Variants in ZFHX3 observed in about 807,000 individuals in gnomAD.
ZFHX3 encodes the protein zinc finger homeobox protein 3.
Under a neutral mutation model 279.1 loss-of-function variants are expected in ZFHX3, and 42 were observed. That is an observed-to-expected ratio of 0.15 (90% CI 0.12 to 0.19). The LOEUF (loss-of-function observed/expected upper bound fraction) is 0.19. ZFHX3 is among the 10% of genes least tolerant of loss of function. ZFHX3 has a pLI of 1.00. For synonymous variants in ZFHX3, 2,293 were observed against 1,957.8 expected, an observed-to-expected ratio of 1.17 and a Z score of -4.52; for missense variants, 4,981 against 4,754.0, an observed-to-expected ratio of 1.05 and a Z score of -1.40.
chr16:73,296,670 T>C (rs1435396983), intron 4 of ZFHX3, among the ~76,000 whole-genome samples: 1 of 152,150 alleles, frequency 6.6e-6, no homozygotes, highest in Non-Finnish European at 1.5e-5. Flanking sequence ...TTACCTAAGA[T>C]AGGCAGTTAC....
rs888507236 is a variant in ZFHX3 at position 72,783,749 on chromosome 16, T to A, written c.*3415A>T. 6.6e-6 allele frequency: 1 copy of A among 152,196 alleles called. No homozygotes were observed. The highest frequency in any genetic ancestry group is 6.5e-5 in the Admixed American group (1 of 15,278). 9.4% of individuals were successfully genotyped at this position (152,196 alleles called of 1,614,324 possible). A position where few individuals can be genotyped will look rare whatever the true frequency, so the allele number is the denominator to read the frequency against. On this transcript the variant is annotated 3_prime_UTR_variant, in exon 10 of 10. Transcript: ENST00000268489. ...GAGAAAACCAAAAAACGAGTGTCAA[T>A]GGAGGTGAAGAACTAATTTAAAAAG...
intron 7 of ZFHX3, among the ~76,000 whole-genome samples, chr16:73,101,561 T>A (rs188448044): frequency 6.1e-4 from 93 of 152,056 alleles, no homozygotes; most frequent in Middle Eastern, 3.4e-3. Flanking sequence ...TAAATTTTTT[T>A]AAATTTTTTT....
intron 5 of ZFHX3, among the ~76,000 whole-genome samples, chr16:72,813,257 T>G (rs1345160301): frequency 6.6e-6 from 1 of 152,242 alleles, no homozygotes; most frequent in African/African-American, 2.4e-5. Flanking sequence ...TGACTCAGCA[T>G]TCAGGTCACT....
intron 1 of ZFHX3, among the ~76,000 whole-genome samples, chr16:73,857,137 A>G (rs1258241002): frequency 6.6e-6 from 1 of 152,232 alleles, no homozygotes; most frequent in East Asian, 1.9e-4. Context: ...GAAACTCAAT[A>G]CCTGAACTAT....
chr16:72,914,330 C>T lies in ZFHX3; in HGVS notation c.3217-24368G>A, dbSNP rs535307248. On this transcript the variant is annotated intron_variant, in intron 3 of 9. Transcript: ENST00000268489. The stretch of plus-strand genomic sequence containing the variant: ...AGAACACATTAGCTTGGCTAAGGAC[C>T]TCCCTCTCTACAAACAGGTATGGAA... Among the ~76,000 whole-genome samples the T allele has an allele frequency of 7.9e-5, 12 of 152,284 alleles. No individual in the cohort carries two copies. In the South Asian group the frequency reaches 1.9e-3, roughly 24 times the overall value.
At chr16:72,921,146 G>A in intron 3 of ZFHX3, among the ~76,000 whole-genome samples, 1 of 150,564 alleles carries the variant, frequency 6.6e-6, no homozygotes, top group East Asian at 1.9e-4. Flanking sequence ...GAACATCTAG[G>A]CATTCATTCA....
intron 4 of ZFHX3, among the ~76,000 whole-genome samples, chr16:73,308,883 C>T (rs1337551318): frequency 2.0e-5 from 3 of 150,496 alleles, no homozygotes; most frequent in Non-Finnish European, 3.0e-5. Flanking sequence ...AAGTTAAGTA[C>T]AAAATTATAT....
intron 5 of ZFHX3, among the ~76,000 whole-genome samples, chr16:72,814,112 A>G (rs1484943212): frequency 6.6e-6 from 1 of 152,140 alleles, no homozygotes; most frequent in Admixed American, 6.5e-5. Flanking sequence ...TGTCACAGCC[A>G]TTTCTTTACC....
chr16:73,784,543 T>A (rs927057460), intron 1 of ZFHX3, among the ~76,000 whole-genome samples: 7 of 151,900 alleles, frequency 4.6e-5, no homozygotes, highest in African/African-American at 1.7e-4. Context: ...GGTCAAGAGA[T>A]CGAGACAATC....
intron 3 of ZFHX3, among the ~76,000 whole-genome samples, chr16:73,386,391 A>G (rs950057470): frequency 6.6e-6 from 1 of 152,180 alleles, no homozygotes; most frequent in Admixed American, 6.5e-5. Flanking sequence ...AAGCAACTTA[A>G]ATGCTCTGAA....
chr16:73,489,341 C>A (rs182081051), intron 2 of ZFHX3, among the ~76,000 whole-genome samples: 6 of 152,296 alleles, frequency 3.9e-5, no homozygotes, highest in Admixed American at 3.3e-4. Flanking sequence ...GATTTAAGAA[C>A]TGAACGTTCA....
At chr16:73,736,832 G>A (rs929117510) in intron 1 of ZFHX3, among the ~76,000 whole-genome samples, 1 of 152,174 alleles carries the variant, frequency 6.6e-6, no homozygotes, top group African/African-American at 2.4e-5. Context: ...CCAAACAGGG[G>A]TATTGTTAGA....
intron 4 of ZFHX3, chr16:73,257,278 T>A (rs2013686509): frequency 6.6e-6 from 1 of 152,262 alleles, no homozygotes; most frequent in Admixed American, 6.5e-5. Flanking sequence ...ATGGTCATCA[T>A]TTCTAGGTCA....
At chr16:72,814,889 T>G (rs888526038) in intron 5 of ZFHX3, among the ~76,000 whole-genome samples, 1 of 152,348 alleles carries the variant, frequency 6.6e-6, no homozygotes, top group Non-Finnish European at 1.5e-5. Flanking sequence ...TGCAGCTCAC[T>G]GGCCCCTTCT....
At position 72,788,377 on chromosome 16, in the gene ZFHX3, G is replaced by A. The variant is rs1052162067; in HGVS notation, c.9899C>T (p.Thr3300Ile). ...ALQAALTSDPTALLTSQFLPY... is the reference protein window; with the variant it reads ...ALQAALTSDPIALLTSQFLPY... The stretch of plus-strand genomic sequence containing the variant: ...AAGGAACTGGCTTGTGAGCAATGCT[G>A]TGGGGTCCGAAGTCAACGCGGCCTG... Residue 3300 changes from threonine to isoleucine, a missense_variant, in exon 10 of 10, where the codon ACA becomes ATA. Thr to Ile is a moderately conservative substitution (Grantham distance 89, BLOSUM62 -1). This residue lies in a region of ZFHX3 where 1,034 missense variants were observed against 786.0 expected (regional missense o/e 1.32). Transcript: ENST00000268489. 1 of 1,614,240 alleles carries A rather than the reference G, an allele frequency of 6.2e-7. No homozygotes were observed. Among genetic ancestry groups the A allele is most frequent in the Non-Finnish European group, 8.5e-7 (1 of 1,180,040 alleles).
intron 1 of ZFHX3, among the ~76,000 whole-genome samples, chr16:73,852,475 G>A (rs1310076166): frequency 1.3e-5 from 2 of 152,132 alleles, no homozygotes; most frequent in African/African-American, 4.8e-5. Flanking sequence ...TTACATGAAT[G>A]GGTAGGTTAT....
chr16:73,017,043 T>C (rs1964124934), intron 1 of ZFHX3, among the ~76,000 whole-genome samples: 1 of 151,888 alleles, frequency 6.6e-6, no homozygotes, highest in African/African-American at 2.4e-5. Context: ...CTAGGCAATA[T>C]GGCAAGACCT....
At chr16:73,421,079 C>G (rs1452505094) in intron 3 of ZFHX3, 3 of 152,144 alleles carry the variant, frequency 2.0e-5, no homozygotes, top group Non-Finnish European at 2.9e-5. Context: ...TCATTTACAT[C>G]TTTTTGGTAA....
chr16:72,892,483 T>C (rs2038796358), intron 3 of ZFHX3, among the ~76,000 whole-genome samples: 1 of 151,724 alleles, frequency 6.6e-6, no homozygotes, highest in African/African-American at 2.4e-5. Context: ...AAATTTGAGC[T>C]GCTTTTTGTT....
Sources: gnomAD v4.1 joint callset for allele counts (sites outside exome capture counted in the v4.1 genomes callset) on GRCh38, gnomAD v4.1.1 for gene constraint, gnomAD v4.1.1 regional missense constraint, MANE v1.5 for transcripts, NCBI Gene and HGNC (gene_info 2026-07-23, HGNC 2026-07-21) for gene names.